Variants in SMARCC1 observed in about 807,000 individuals in gnomAD.
SMARCC1 encodes the protein SWI/SNF related BAF chromatin remodeling complex subunit C1, also known as SWI/SNF complex subunit SMARCC1.
Under a neutral mutation model 147.4 loss-of-function variants are expected in SMARCC1, and 43 were observed. That is an observed-to-expected ratio of 0.29 (90% CI 0.23 to 0.38). The LOEUF (loss-of-function observed/expected upper bound fraction) is 0.38, where lower values mean the gene tolerates loss of function less well. SMARCC1 is among the 10% of genes least tolerant of loss of function. SMARCC1 has a pLI of 1.00. For missense variants in SMARCC1, 1,119 were observed against 1,381.1 expected (o/e 0.81, Z 3.01); for synonymous variants, 495 against 484.4 (o/e 1.02, Z -0.29).
intron 24 of SMARCC1, among the ~76,000 whole-genome samples, chr3:47,633,773 TATATATACAC>T (rs1182982794): frequency 7.6e-5 from 1 of 13,220 alleles, no homozygotes; most frequent in African/African-American, 1.0e-4. Flanking sequence ...AATATATATA[TATATATACAC>T]ACACACACAC....
intron 21 of SMARCC1, among the ~76,000 whole-genome samples, chr3:47,652,002 T>C (rs886308705): frequency 1.3e-5 from 2 of 152,182 alleles, no homozygotes; most frequent in African/African-American, 4.8e-5. Flanking sequence ...ATTTGAGACA[T>C]GGTCTCGCTT....
intron 5 of SMARCC1, among the ~76,000 whole-genome samples, chr3:47,733,299 C>T (rs1230491087): frequency 6.6e-6 from 1 of 152,076 alleles, no homozygotes; most frequent in African/African-American, 2.4e-5. Context: ...TGCTGCAGGG[C>T]GGGTTCTGCG....
intron 26 of SMARCC1, among the ~76,000 whole-genome samples, chr3:47,597,517 G>A (rs1056832960): frequency 7.2e-5 from 11 of 151,910 alleles, no homozygotes; most frequent in Non-Finnish European, 1.3e-4. Flanking sequence ...TAGTAGAGAT[G>A]GGGTTTCACC....
At chr3:47,647,147 G>T (rs536502706) in intron 21 of SMARCC1, among the ~76,000 whole-genome samples, 1 of 152,188 alleles carries the variant, frequency 6.6e-6, no homozygotes, top group South Asian at 2.1e-4. Context: ...GAATGCACTC[G>T]TGAATTCTTT....
In SMARCC1 at chr3:47,633,779, T is replaced by TATAC. The variant is rs1367543059; in HGVS notation, c.2646+1410_2646+1411insGTAT. On this transcript the variant is annotated intron_variant, in intron 24 of 27. Transcript: ENST00000254480. ...AAAAAAAAAAATATATATATATATA[T>TATAC]ACACACACACACACACACACACACA... Among the ~76,000 whole-genome samples, 78 of 28,866 alleles carry TATAC rather than the reference T, an allele frequency of 2.7e-3. 5 individuals are homozygous for TATAC. The highest frequency in any genetic ancestry group is 0.025 in the East Asian group (16 of 642). 18.9% of individuals were successfully genotyped at this position (28,866 alleles called of 152,430 possible).
intron 2 of SMARCC1, among the ~76,000 whole-genome samples, chr3:47,752,955 T>C (rs1031204910): frequency 6.6e-6 from 1 of 152,162 alleles, no homozygotes; most frequent in African/African-American, 2.4e-5. Flanking sequence ...GCTGACTCTA[T>C]TGGAAATTTA....
chr3:47,699,378 G>C (rs2033891101), intron 11 of SMARCC1, among the ~76,000 whole-genome samples: 1 of 152,002 alleles, frequency 6.6e-6, no homozygotes, highest in Non-Finnish European at 1.5e-5. Context: ...AACTGCTTGG[G>C]ACATTTTCCT....
Position 47,739,179 on chromosome 3 carries a change from T to C in SMARCC1, c.402-1069A>G, listed in dbSNP as rs189903286. Among the ~76,000 whole-genome samples the C allele has an allele frequency of 4.6e-5, 7 of 152,372 alleles. 1 individual carries two copies. The highest frequency in any genetic ancestry group is 1.7e-4 in the African/African-American group (7 of 41,590). ...GGATTGTGGAAAACTACATTAGTCT[T>C]GAGCAATTTGTTAACCCAAGGATCC... On this transcript the variant is annotated intron_variant, in intron 3 of 27. Coordinates refer to ENST00000254480, the MANE Select transcript of SMARCC1 (RefSeq NM_003074.4).
intron 25 of SMARCC1, among the ~76,000 whole-genome samples, chr3:47,621,788 C>T (rs1251153428): frequency 6.7e-6 from 1 of 149,196 alleles, no homozygotes; most frequent in Admixed American, 6.7e-5. Context: ...TGCACAAGTA[C>T]CTCTGAATCT....
intron 8 of SMARCC1, among the ~76,000 whole-genome samples, chr3:47,714,156 G>A (rs1394063945): frequency 1.3e-5 from 2 of 152,192 alleles, no homozygotes; most frequent in Non-Finnish European, 2.9e-5. Context: ...CCGAGGTCGG[G>A]AGGCTGAGGC....
At chr3:47,641,282 T>C (rs146996156) in intron 21 of SMARCC1, among the ~76,000 whole-genome samples, 45 of 151,892 alleles carry the variant, frequency 3.0e-4, no homozygotes, top group Non-Finnish European at 5.3e-4. Context: ...AGTCAAGGAG[T>C]TTGAGACCAG....
chr3:47,594,311 A>G (rs1043517810), intron 26 of SMARCC1, among the ~76,000 whole-genome samples: 1 of 152,262 alleles, frequency 6.6e-6, no homozygotes, highest in African/African-American at 2.4e-5. Flanking sequence ...TGTAACGCAA[A>G]GCCTAGCAGA....
chr3:47,714,809 AAAAC>A (rs1332458812), intron 7 of SMARCC1, among the ~76,000 whole-genome samples: 2 of 152,292 alleles, frequency 1.3e-5, no homozygotes, highest in Admixed American at 1.3e-4. Context: ...AAAACAAAAC[AAAAC>A]AAAAAACTAA....
rs1553693293 is a variant in SMARCC1 at position 47,778,212 on chromosome 3, A to AAAAAAAAAAAAAAAAC, written c.195+3390_195+3391insGTTTTTTTTTTTTTTT. Among the ~76,000 whole-genome samples, 71 of 121,308 alleles carry AAAAAAAAAAAAAAAAC rather than the reference A, an allele frequency of 5.9e-4. 1 individual carries two copies. Among genetic ancestry groups the AAAAAAAAAAAAAAAAC allele is most frequent in the Middle Eastern group, 4.6e-3 (1 of 216 alleles). 79.6% of individuals were successfully genotyped at this position (121,308 alleles called of 152,430 possible). A position where few individuals can be genotyped will look rare whatever the true frequency, so the allele number is the denominator to read the frequency against. ...TCTCAAAAAAAAAAAACAAAAAACA[A>AAAAAAAAAAAAAAAAC]AAAACAAAAAAAACACTGACTCCTA... On this transcript the variant is annotated intron_variant, in intron 1 of 27. Transcript: ENST00000254480.
intron 18 of SMARCC1, among the ~76,000 whole-genome samples, chr3:47,673,247 G>A (rs1282790837): frequency 1.4e-4 from 21 of 151,850 alleles, no homozygotes; most frequent in Admixed American, 6.6e-4. Context: ...AAAAAAAGCC[G>A]GGTGTGGTGG....
intron 2 of SMARCC1, among the ~76,000 whole-genome samples, chr3:47,757,959 T>C (rs971220213): frequency 1.4e-4 from 21 of 151,884 alleles, no homozygotes; most frequent in Admixed American, 1.3e-3. Flanking sequence ...AAGAAACATC[T>C]AAGTTGAGCA....
At position 47,629,222 on chromosome 3, in the gene SMARCC1, C is replaced by T. The variant is rs7628415; in HGVS notation, c.2646+5968G>A. 4.2e-3 allele frequency among the ~76,000 whole-genome samples: 641 copies of T among 152,252 alleles called. 7 individuals are homozygous for T. Among genetic ancestry groups the T allele is most frequent in the African/African-American group, 0.015 (618 of 41,548 alleles). On this transcript the variant is annotated intron_variant, in intron 24 of 27. Transcript: ENST00000254480. Reference sequence around the variant, plus strand: ...CCCCTACTATACTAGTCCAGAAAATCTTCAAATTATAGTATCAGCATTCAA... The same window carrying T: ...CCCCTACTATACTAGTCCAGAAAATTTTCAAATTATAGTATCAGCATTCAA...
In SMARCC1 at chr3:47,781,729, C is replaced by G; in HGVS notation, c.69G>C (p.Ala23=). The part of the protein sequence containing the change: ...AVGATGSGIA[A]AAAGLAVYRR... ...GATAAACAGCTAGGCCTGCGGCTGC[C>G]GCCGCAATCCCCGAGCCCGTGGCGC... Residue 23 remains alanine (A), a synonymous_variant, in exon 1 of 28, where the codon GCG becomes GCC. Coordinates refer to ENST00000254480, the MANE Select transcript of SMARCC1 (RefSeq NM_003074.4). The G allele has an allele frequency of 1.3e-6, 2 of 1,554,688 alleles. No individual in the cohort carries two copies. Among genetic ancestry groups the G allele is most frequent in the Non-Finnish European group, 1.7e-6 (2 of 1,155,118 alleles).
intron 21 of SMARCC1, among the ~76,000 whole-genome samples, chr3:47,644,182 A>C (rs925623358): frequency 2.6e-5 from 4 of 152,112 alleles, no homozygotes; most frequent in Non-Finnish European, 5.9e-5. Context: ...CTTGTCTCTA[A>C]ACAAATAAAA....
Sources: allele counts gnomAD v4.1 joint callset (sites outside exome capture counted in the v4.1 genomes callset), GRCh38; gene constraint gnomAD v4.1.1; transcripts MANE v1.5; gene names NCBI Gene and HGNC (gene_info 2026-07-23, HGNC 2026-07-21).